Variants in BRINP3 observed in about 807,000 individuals in gnomAD.
BRINP3 encodes BMP/retinoic acid-inducible neural-specific protein 3.
Under a neutral mutation model 71.0 loss-of-function variants are expected in BRINP3, and 19 were observed. The ratio of observed to expected loss-of-function variants is 0.27; its 90% CI spans 0.19 to 0.39. The LOEUF (loss-of-function observed/expected upper bound fraction) is 0.39, where lower values mean the gene tolerates loss of function less well. Ranked by LOEUF, BRINP3 falls within the 10% of genes least tolerant of loss-of-function variation. The pLI is 1.00. For synonymous variants in BRINP3, 380 were observed against 337.7 expected, an observed-to-expected ratio of 1.13 and a Z score of -1.37; for missense variants, 959 against 940.8, an observed-to-expected ratio of 1.02 and a Z score of -0.25.
chr1:190,449,751 T>C (rs1445155321), intron 2 of BRINP3, among the ~76,000 whole-genome samples: 1 of 152,102 alleles, frequency 6.6e-6, no homozygotes, highest in Non-Finnish European at 1.5e-5. Flanking sequence ...TAATTATCAG[T>C]GTATAGCTGA....
At chr1:190,304,462 A>C (rs1170797356) in intron 2 of BRINP3, among the ~76,000 whole-genome samples, 3 of 151,966 alleles carry the variant, frequency 2.0e-5, no homozygotes, top group Non-Finnish European at 4.4e-5. Flanking sequence ...GAGAGAGCTC[A>C]GAAATAAATC....
chr1:190,442,470 A>G (rs1674891319), intron 2 of BRINP3, among the ~76,000 whole-genome samples: 1 of 152,196 alleles, frequency 6.6e-6, no homozygotes, highest in African/African-American at 2.4e-5. Flanking sequence ...AAGGATATGC[A>G]AAGCCCAGGC....
At chr1:190,209,101 A>G (rs1655766197) in intron 6 of BRINP3, among the ~76,000 whole-genome samples, 1 of 152,110 alleles carries the variant, frequency 6.6e-6, no homozygotes, top group African/African-American at 2.4e-5. Context: ...TTAAATTTTC[A>G]TAATGTTACT....
At chr1:190,434,738 G>A (rs984635549) in intron 2 of BRINP3, among the ~76,000 whole-genome samples, 14 of 152,066 alleles carry the variant, frequency 9.2e-5, no homozygotes, top group Admixed American at 4.6e-4. Flanking sequence ...CCTGGAATAT[G>A]AACAAGCACC....
At chr1:190,103,751 C>T (rs998733012) in intron 7 of BRINP3, among the ~76,000 whole-genome samples, 10 of 151,908 alleles carry the variant, frequency 6.6e-5, no homozygotes, top group Admixed American at 2.0e-4. Flanking sequence ...TTTGGGGCTC[C>T]GTGGCAACTA....
intron 4 of BRINP3, among the ~76,000 whole-genome samples, chr1:190,243,559 A>G (rs562118499): frequency 6.6e-6 from 1 of 152,248 alleles, no homozygotes; most frequent in African/African-American, 2.4e-5. Flanking sequence ...TTGTTACTCT[A>G]GCTGGGCTAA....
chr1:190,200,199 C>T (rs1044125488), intron 6 of BRINP3, among the ~76,000 whole-genome samples: 7 of 152,088 alleles, frequency 4.6e-5, no homozygotes, highest in Middle Eastern at 3.2e-3. Flanking sequence ...TTCAAGGACA[C>T]GATCTTGATC....
In BRINP3 at chr1:190,287,376, G is replaced by A. The variant is rs547262227; in HGVS notation, c.237-5626C>T. On this transcript the variant is annotated intron_variant, in intron 2 of 7. Transcript: ENST00000367462. ...TGTTTATAAAACAGCTAAATGCTCA[G>A]CAATTGGCAAGATAAAAAAGTCCAC... 3.9e-5 allele frequency among the ~76,000 whole-genome samples: 6 copies of A among 152,196 alleles called. No individual in the cohort carries two copies. The East Asian group carries it at 9.7e-4, about 25-fold the overall frequency.
At chr1:190,151,347 T>C (rs1656377991) in intron 7 of BRINP3, among the ~76,000 whole-genome samples, 1 of 152,082 alleles carries the variant, frequency 6.6e-6, no homozygotes, top group African/African-American at 2.4e-5. Flanking sequence ...GTCAAAAACA[T>C]TGTAAGATCT....
chr1:190,163,267 A>AAAAAAT (rs1651178700), intron 6 of BRINP3, among the ~76,000 whole-genome samples: 1 of 152,112 alleles, frequency 6.6e-6, no homozygotes, highest in Admixed American at 6.6e-5. Context: ...AAAGCTATGT[A>AAAAAAT]AAAAATAAAG....
chr1:190,151,438 T>C (rs1475466406), intron 7 of BRINP3, among the ~76,000 whole-genome samples: 4 of 152,182 alleles, frequency 2.6e-5, no homozygotes, highest in African/African-American at 9.7e-5. Flanking sequence ...TAATGTGATA[T>C]CAGCAAATAA....
At chr1:190,165,293 A>T (rs1466520937) in intron 6 of BRINP3, among the ~76,000 whole-genome samples, 2 of 151,934 alleles carry the variant, frequency 1.3e-5, no homozygotes, top group African/African-American at 4.8e-5. Context: ...TTTCTTGGAA[A>T]ATAATAAGTG....
intron 7 of BRINP3, among the ~76,000 whole-genome samples, chr1:190,146,846 A>C (rs2102407343): frequency 6.6e-6 from 1 of 152,150 alleles, no homozygotes; most frequent in South Asian, 2.1e-4. Flanking sequence ...TTAAATTGAT[A>C]ATTAGTATTA....
At chr1:190,433,637 C>T (rs1674253788) in intron 2 of BRINP3, among the ~76,000 whole-genome samples, 1 of 152,100 alleles carries the variant, frequency 6.6e-6, no homozygotes, top group Non-Finnish European at 1.5e-5. Context: ...TTCAGTTCTC[C>T]TTATTCCCCT....
At chr1:190,282,003 T>C (rs1315756699) in intron 2 of BRINP3, among the ~76,000 whole-genome samples, 1 of 151,720 alleles carries the variant, frequency 6.6e-6, no homozygotes, top group Non-Finnish European at 1.5e-5. Flanking sequence ...CCCAAGAAAA[T>C]ATATTTTCAT....
At chr1:190,156,849 C>T (rs751684924) in intron 7 of BRINP3, among the ~76,000 whole-genome samples, 1 of 151,996 alleles carries the variant, frequency 6.6e-6, no homozygotes, top group Non-Finnish European at 1.5e-5. Flanking sequence ...TTTTATTCTA[C>T]TTATTTGTGT....
rs1558160601 is a variant in BRINP3 at position 190,301,202 on chromosome 1, T to TATATATATATATATAC, written c.237-19453_237-19452insGTATATATATATATAT. 2.3e-4 allele frequency among the ~76,000 whole-genome samples: 6 copies of TATATATATATATATAC among 26,168 alleles called. No homozygotes were observed. The East Asian group carries it at 4.3e-3, about 19-fold the overall frequency. The allele number at this position is 26,168 out of a possible 152,430, so 17.2% of individuals were successfully genotyped here. On this transcript the variant is annotated intron_variant, in intron 2 of 7. Coordinates refer to ENST00000367462, the MANE Select transcript of BRINP3 (RefSeq NM_199051.3). ...ATATATATATGTATATATATACACA[T>TATATATATATATATAC]ACATATATATATATATATATATATA...
At chr1:190,360,249 G>C (rs1454248107) in intron 2 of BRINP3, among the ~76,000 whole-genome samples, 1 of 152,114 alleles carries the variant, frequency 6.6e-6, no homozygotes, top group Non-Finnish European at 1.5e-5. Flanking sequence ...AACCACTAAT[G>C]TTCTCTCTAA....
At chr1:190,182,955 T>G (rs893333214) in intron 6 of BRINP3, among the ~76,000 whole-genome samples, 1 of 152,110 alleles carries the variant, frequency 6.6e-6, no homozygotes, top group Non-Finnish European at 1.5e-5. Context: ...TAACCTTCAG[T>G]GATGTCTGTG....
Sources: gnomAD v4.1 joint callset for allele counts (sites outside exome capture counted in the v4.1 genomes callset) on GRCh38, gnomAD v4.1.1 for gene constraint, MANE v1.5 for transcripts, NCBI Gene and HGNC (gene_info 2026-07-23, HGNC 2026-07-21) for gene names.